Variants in WDFY3 observed in about 807,000 individuals in gnomAD.
WDFY3 encodes the protein WD repeat and FYVE domain-containing protein 3.
Under a neutral mutation model 409.6 loss-of-function variants are expected in WDFY3, and 66 were observed. The ratio of observed to expected loss-of-function variants is 0.16; its 90% CI spans 0.13 to 0.20. The LOEUF (loss-of-function observed/expected upper bound fraction) is 0.20. WDFY3 is among the 10% of genes least tolerant of loss of function. WDFY3 has a pLI of 1.00. For synonymous variants in WDFY3, 1,521 were observed against 1,537.1 expected (o/e 0.99, Z 0.25); for missense variants, 3,031 against 4,298.1 (o/e 0.71, Z 8.24).
intron 15 of WDFY3, among the ~76,000 whole-genome samples, chr4:84,806,557 A>G (rs1222752269): frequency 6.7e-6 from 1 of 149,762 alleles, no homozygotes; most frequent in Non-Finnish European, 1.5e-5. Flanking sequence ...TTAAGAATAA[A>G]AAGAGAATGC....
intron 62 of WDFY3, chr4:84,687,820 T>C: frequency 3.2e-6 from 1 of 313,402 alleles, no homozygotes; most frequent in Admixed American, 4.8e-5. Flanking sequence ...ATCTGCTCCA[T>C]TTCCAACCTG....
Position 84,870,151 on chromosome 4 carries a change from G to A in WDFY3, c.-31-9529C>T, listed in dbSNP as rs144964416. On this transcript the variant is annotated intron_variant, in intron 3 of 67. Coordinates refer to ENST00000295888, the MANE Select transcript of WDFY3 (RefSeq NM_014991.6). ...AATAGGTAATTCACGGTACATCCATGTCATGGAATACTGTTAAAAGAACAT... is the reference window on the plus strand; with the variant it reads ...AATAGGTAATTCACGGTACATCCATATCATGGAATACTGTTAAAAGAACAT... Among the ~76,000 whole-genome samples, 313 of 152,242 alleles carry A rather than the reference G, an allele frequency of 2.1e-3. 1 individual carries two copies. The highest frequency in any genetic ancestry group is 6.8e-3 in the African/African-American group (284 of 41,554).
chr4:84,909,150 T>C (rs1325413836), intron 2 of WDFY3, among the ~76,000 whole-genome samples: 1 of 152,016 alleles, frequency 6.6e-6, no homozygotes, highest in East Asian at 1.9e-4. Flanking sequence ...AATATATAAC[T>C]TTTTAGAACT....
intron 51 of WDFY3, among the ~76,000 whole-genome samples, chr4:84,712,906 A>C (rs1449604400): frequency 6.6e-6 from 1 of 152,254 alleles, no homozygotes; most frequent in Non-Finnish European, 1.5e-5. Flanking sequence ...TTTAGAGTAT[A>C]AACTCAATCA....
chr4:84,750,365 T>TA (rs1740299450), intron 36 of WDFY3, among the ~76,000 whole-genome samples: 1 of 152,024 alleles, frequency 6.6e-6, no homozygotes, highest in African/African-American at 2.4e-5. Context: ...TTAGTGATTT[T>TA]AAAAAAAATT....
intron 44 of WDFY3, among the ~76,000 whole-genome samples, chr4:84,730,063 G>A (rs1257615826): frequency 6.6e-6 from 1 of 152,110 alleles, no homozygotes; most frequent in Non-Finnish European, 1.5e-5. Context: ...TCAGGGCAGA[G>A]GTGGATTTAC....
chr4:84,946,444 G>A (rs1415756182), intron 1 of WDFY3, among the ~76,000 whole-genome samples: 2 of 152,166 alleles, frequency 1.3e-5, no homozygotes, highest in South Asian at 2.1e-4. Context: ...ATGGAACCAG[G>A]AGGCAGCATG....
chr4:84,863,681 ATATT>A (rs1294352624), intron 3 of WDFY3, among the ~76,000 whole-genome samples: 15 of 152,174 alleles, frequency 9.9e-5, no homozygotes, highest in Non-Finnish European at 2.1e-4. Context: ...TTCAGGTATT[ATATT>A]AAAGTCTTTA....
intron 1 of WDFY3, among the ~76,000 whole-genome samples, chr4:84,948,950 C>T (rs1301822028): frequency 6.6e-6 from 1 of 152,116 alleles, no homozygotes; most frequent in Non-Finnish European, 1.5e-5. Flanking sequence ...ATTTCAGATT[C>T]CATATGCTTC....
At chr4:84,797,774 G>A (rs930563443) in intron 18 of WDFY3, among the ~76,000 whole-genome samples, 6 of 151,708 alleles carry the variant, frequency 4.0e-5, no homozygotes, top group South Asian at 2.1e-4. Flanking sequence ...TAGAAGAGAC[G>A]GGGTTTCACC....
intron 47 of WDFY3, among the ~76,000 whole-genome samples, chr4:84,720,728 T>C (rs1256392906): frequency 1.3e-5 from 2 of 152,294 alleles, no homozygotes; most frequent in African/African-American, 2.4e-5. Context: ...TGTAGAAGCG[T>C]TGAGCCAAAC....
chr4:84,770,336 T>C (rs745599183), intron 30 of WDFY3, among the ~76,000 whole-genome samples: 6 of 152,166 alleles, frequency 3.9e-5, no homozygotes, highest in Non-Finnish European at 7.3e-5. Flanking sequence ...CCGAGTTATA[T>C]ACATTTTTTA....
rs781332693 is a variant in WDFY3 at position 84,736,263 on chromosome 4, G to C, written c.6822C>G (p.Ser2274=). ...AAAGACCAAAGCCACTGCTGACACG[G>C]GATAATTTGGACTGTGTGGTGGGCG... is the stretch of plus-strand genomic sequence containing the variant. ...ALAPTTQSKL[S]RVSSGFGLSK... The change falls in exon 42 of 68, where the codon TCC becomes TCG. Residue 2274 remains serine (S), a synonymous_variant. Coordinates refer to ENST00000295888, the MANE Select transcript of WDFY3 (RefSeq NM_014991.6). 14 of 1,613,168 alleles carry C rather than the reference G, an allele frequency of 8.7e-6. No homozygotes were observed. Among genetic ancestry groups the C allele is most frequent in the Non-Finnish European group, 1.1e-5 (13 of 1,179,468 alleles).
At chr4:84,934,278 C>G (rs911393801) in intron 1 of WDFY3, among the ~76,000 whole-genome samples, 3 of 152,094 alleles carry the variant, frequency 2.0e-5, no homozygotes, top group Non-Finnish European at 4.4e-5. Context: ...ATCAATGACA[C>G]TGAGCACCTT....
chr4:84,827,345 T>C (rs1349136089), intron 9 of WDFY3, among the ~76,000 whole-genome samples: 9 of 152,194 alleles, frequency 5.9e-5, no homozygotes, highest in Non-Finnish European at 1.3e-4. Context: ...CTTTTTAATA[T>C]GAAAAGTTTA....
chr4:84,865,226 C>T (rs1200337086), intron 3 of WDFY3, among the ~76,000 whole-genome samples: 2 of 152,118 alleles, frequency 1.3e-5, no homozygotes, highest in Non-Finnish European at 2.9e-5. Flanking sequence ...CACATGATCA[C>T]ATTATGACAA....
rs869074191 is a variant in WDFY3 at position 84,850,928 on chromosome 4, G to GTTTTTTTTTTTTTTTTTTTTT, written c.181-924_181-904dup. Among the ~76,000 whole-genome samples the GTTTTTTTTTTTTTTTTTTTTT allele has an allele frequency of 4.3e-4, 20 of 46,252 alleles. 5 individuals are homozygous for GTTTTTTTTTTTTTTTTTTTTT. Among genetic ancestry groups the GTTTTTTTTTTTTTTTTTTTTT allele is most frequent in the Non-Finnish European group, 5.8e-4 (15 of 25,878 alleles). The allele number at this position is 46,252 out of a possible 152,430, so 30.3% of individuals were successfully genotyped here. On this transcript the variant is annotated intron_variant, in intron 4 of 67. Coordinates refer to ENST00000295888, the MANE Select transcript of WDFY3 (RefSeq NM_014991.6). ...TTCTTATTTTTAATTTTATTTATCT[G>GTTTTTTTTTTTTTTTTTTTTT]TTTTTTTTTTTTTTTTTTTTTTTTT...
Position 84,688,156 on chromosome 4 carries a change from T to C in WDFY3, c.9473A>G (p.Lys3158Arg), listed in dbSNP as rs775429713. 1 of 1,614,104 alleles carries C rather than the reference T, an allele frequency of 6.2e-7. No individual in the cohort carries two copies. Among genetic ancestry groups the C allele is most frequent in the South Asian group, 1.1e-5 (1 of 91,076 alleles). ...TCGAAGCTGGGTTAGAAATGACAGT[T>C]TGTTCAAATCCCAAATGATACAGGT... ...DRTCIIWDLN[K>R]LSFLTQLRGH... Residue 3158 changes from lysine (K) to arginine (R), a missense_variant, in exon 62 of 68, where the codon AAA becomes AGA. Lys to Arg is a conservative substitution (Grantham distance 26). Coordinates refer to ENST00000295888, the MANE Select transcript of WDFY3 (RefSeq NM_014991.6).
intron 62 of WDFY3, among the ~76,000 whole-genome samples, chr4:84,687,146 T>C (rs1388046869): frequency 1.3e-5 from 2 of 152,094 alleles, no homozygotes; most frequent in Non-Finnish European, 2.9e-5. Flanking sequence ...TTTCTAACCT[T>C]CTTCTTCTTT....
Sources: allele counts gnomAD v4.1 joint callset (sites outside exome capture counted in the v4.1 genomes callset), GRCh38; gene constraint gnomAD v4.1.1; transcripts MANE v1.5; gene names NCBI Gene and HGNC (gene_info 2026-07-23, HGNC 2026-07-21).